The following BTBD9 variants were observed in gnomAD, a reference collection of about 807,000 sequenced individuals.
BTBD9 encodes the protein BTB/POZ domain-containing protein 9.
A neutral mutation model predicts 64.3 loss-of-function variants in BTBD9; 49 were observed. That is an observed-to-expected ratio of 0.76 (90% CI 0.61 to 0.97). The LOEUF (loss-of-function observed/expected upper bound fraction) is 0.97, where lower values mean the gene tolerates loss of function less well. Among genes scored for constraint, BTBD9 ranks in the 50% least tolerant of loss-of-function variants. BTBD9 has a pLI of 0.00. For missense variants in BTBD9, 598 were observed against 762.1 expected, an observed-to-expected ratio of 0.78 and a Z score of 2.53; for synonymous variants, 260 against 274.7, an observed-to-expected ratio of 0.95 and a Z score of 0.53.
intron 6 of BTBD9, among the ~76,000 whole-genome samples, chr6:38,361,188 T>C (rs2127597985): frequency 6.6e-6 from 1 of 152,218 alleles, no homozygotes; most frequent in African/African-American, 2.4e-5. Context: ...AATATGTAGC[T>C]AGGGGGTGGG....
intron 6 of BTBD9, among the ~76,000 whole-genome samples, chr6:38,364,349 T>C (rs1195758025): frequency 6.6e-6 from 1 of 152,192 alleles, no homozygotes; most frequent in Non-Finnish European, 1.5e-5. Context: ...CATTGCTTCC[T>C]CCTTTGGTTC....
intron 6 of BTBD9, among the ~76,000 whole-genome samples, chr6:38,560,484 T>C (rs376689098): frequency 6.6e-6 from 1 of 152,212 alleles, no homozygotes. Flanking sequence ...TATTTGCAAA[T>C]TAATAAAAAC....
At chr6:38,638,158 C>G (rs1262622377) in intron 1 of BTBD9, among the ~76,000 whole-genome samples, 1 of 152,170 alleles carries the variant, frequency 6.6e-6, no homozygotes, top group Non-Finnish European at 1.5e-5. Flanking sequence ...CAAAGAGTTC[C>G]CTAACTCAGC....
At chr6:38,336,490 A>G (rs1297222252) in intron 7 of BTBD9, among the ~76,000 whole-genome samples, 2 of 152,166 alleles carry the variant, frequency 1.3e-5, no homozygotes, top group African/African-American at 4.8e-5. Flanking sequence ...AGAAGTGCCG[A>G]AAAAAGGGGG....
intron 6 of BTBD9, among the ~76,000 whole-genome samples, chr6:38,537,187 A>T (rs1774058543): frequency 1.3e-5 from 2 of 152,190 alleles, no homozygotes. Flanking sequence ...TGTTTTGTGT[A>T]TAGAGAATTA....
chr6:38,419,776 G>A (rs1407147539), intron 6 of BTBD9, among the ~76,000 whole-genome samples: 4 of 152,050 alleles, frequency 2.6e-5, no homozygotes, highest in South Asian at 2.1e-4. Context: ...AGGCTAAGGC[G>A]GGAGAATCGC....
At chr6:38,482,578 A>G (rs1483414286) in intron 6 of BTBD9, 1 of 152,176 alleles carries the variant, frequency 6.6e-6, no homozygotes, top group Non-Finnish European at 1.5e-5. Flanking sequence ...TGTAGCTGTT[A>G]TATGAGTCCT....
intron 6 of BTBD9, among the ~76,000 whole-genome samples, chr6:38,528,979 C>G (rs945999539): frequency 6.6e-6 from 1 of 152,190 alleles, no homozygotes; most frequent in Non-Finnish European, 1.5e-5. Context: ...ACCAAGTGGG[C>G]TCCTGGAGTC....
Position 38,498,075 on chromosome 6 carries a change from A to G in BTBD9, c.1154+79525T>C, listed in dbSNP as rs141039099. On this transcript the variant is annotated intron_variant, in intron 6 of 10. Coordinates refer to ENST00000481247, the MANE Select transcript of BTBD9 (RefSeq NM_001099272.2). ...TAACTATAAAGTGTCTTTCACATTA[A>G]TAAGAATTTCCAGCACAACCAACAT... Among the ~76,000 whole-genome samples, 491 of 152,360 alleles carry G rather than the reference A, an allele frequency of 3.2e-3. 2 individuals are homozygous for G. The highest frequency in any genetic ancestry group is 0.011 in the African/African-American group (471 of 41,590).
At chr6:38,545,506 G>A (rs955916025) in intron 6 of BTBD9, among the ~76,000 whole-genome samples, 3 of 152,220 alleles carry the variant, frequency 2.0e-5, no homozygotes, top group East Asian at 1.9e-4. Flanking sequence ...TAGGCTGGGC[G>A]CAATGGCTCA....
chr6:38,389,001 A>G (rs1429323290), intron 6 of BTBD9, among the ~76,000 whole-genome samples: 1 of 152,182 alleles, frequency 6.6e-6, no homozygotes, highest in Non-Finnish European at 1.5e-5. Context: ...GGACAATAAT[A>G]ATTTATTTTT....
chr6:38,441,141 G>A (rs562213789), intron 6 of BTBD9, among the ~76,000 whole-genome samples: 1 of 152,282 alleles, frequency 6.6e-6, no homozygotes, highest in African/African-American at 2.4e-5. Context: ...CAGAAACACT[G>A]GGTGACACAA....
intron 6 of BTBD9, among the ~76,000 whole-genome samples, chr6:38,419,524 T>G (rs1044954690): frequency 6.6e-6 from 1 of 152,138 alleles, no homozygotes; most frequent in African/African-American, 2.4e-5. Context: ...TATCATCTAT[T>G]TATAAAAGAA....
intron 7 of BTBD9, among the ~76,000 whole-genome samples, chr6:38,303,874 T>TATATATATATATATATATATAC (rs368257334): frequency 7.3e-5 from 6 of 82,644 alleles, no homozygotes; most frequent in Admixed American, 1.3e-4. Context: ...TATATATATA[T>TATATATATATATATATATATAC]ACACACACAC....
chr6:38,336,656 T>C (rs1763904845), intron 7 of BTBD9, among the ~76,000 whole-genome samples: 1 of 152,116 alleles, frequency 6.6e-6, no homozygotes, highest in Admixed American at 6.5e-5. Context: ...GAGATTTGGA[T>C]GGGGATACCG....
At chr6:38,295,153 C>CA (rs1762112139) in intron 7 of BTBD9, among the ~76,000 whole-genome samples, 1 of 151,892 alleles carries the variant, frequency 6.6e-6, no homozygotes, top group African/African-American at 2.4e-5. Flanking sequence ...TTTCCCTTTT[C>CA]AAAAAAATTC....
At chr6:38,362,204 C>T (rs922756188) in intron 6 of BTBD9, among the ~76,000 whole-genome samples, 3 of 152,154 alleles carry the variant, frequency 2.0e-5, no homozygotes, top group Admixed American at 6.5e-5. Context: ...CTCTTGAGTA[C>T]TGATTCACCC....
chr6:38,179,642 G>A (rs1272626608), intron 10 of BTBD9: 4 of 456,768 alleles, frequency 8.8e-6, no homozygotes, highest in South Asian at 6.2e-5. Flanking sequence ...AGGGGCCTGT[G>A]TTCACTCTTC....
At chr6:38,586,423 GA>G (rs34199072) in intron 4 of BTBD9, among the ~76,000 whole-genome samples, 7 of 150,216 alleles carry the variant, frequency 4.7e-5, no homozygotes, top group Admixed American at 3.3e-4. Context: ...TTTTAAGGGG[GA>G]AAAAAAATCC....
Sources: allele counts gnomAD v4.1 joint callset (sites outside exome capture counted in the v4.1 genomes callset), GRCh38; gene constraint gnomAD v4.1.1; transcripts MANE v1.5; gene names NCBI Gene and HGNC (gene_info 2026-07-23, HGNC 2026-07-21).